The following NVL variants were observed in gnomAD, a reference collection of about 807,000 sequenced individuals.
NVL encodes the protein nuclear VCP like, also known as nuclear valosin-containing protein-like.
NVL carries 84 observed loss-of-function variants against 110.2 expected under a neutral mutation model. The ratio of observed to expected loss-of-function variants is 0.76; its 90% CI spans 0.64 to 0.91. The LOEUF is 0.91. Among genes scored for constraint, NVL ranks in the 40% least tolerant of loss-of-function variants. The probability of loss-of-function intolerance (pLI) is 0.00; values close to 1 mark genes in which losing one functional copy is unlikely to be tolerated. For synonymous variants in NVL, 354 were observed against 361.1 expected (o/e 0.98, Z 0.22); for missense variants, 882 against 1,035.9 (o/e 0.85, Z 2.04).
At chr1:224,318,944 G>A (rs1362780370) in intron 2 of NVL, among the ~76,000 whole-genome samples, 7 of 149,814 alleles carry the variant, frequency 4.7e-5, no homozygotes, top group Admixed American at 1.3e-4. Flanking sequence ...AGCCAAGATC[G>A]TGCCACTGCA....
At chr1:224,257,583 C>T (rs1663433248) in intron 18 of NVL, among the ~76,000 whole-genome samples, 2 of 151,994 alleles carry the variant, frequency 1.3e-5, no homozygotes, top group South Asian at 2.1e-4. Flanking sequence ...GGCTGGAGTG[C>T]AGTGGTGTAT....
At chr1:224,285,223 T>A (rs1430381126) in intron 15 of NVL, among the ~76,000 whole-genome samples, 1 of 152,050 alleles carries the variant, frequency 6.6e-6, no homozygotes, top group African/African-American at 2.4e-5. Context: ...GATCATGAGG[T>A]CAGGAGTTCG....
rs114120853 is a variant in NVL, at chr1:224,239,613, C to T, written c.2290-3031G>A. Among the ~76,000 whole-genome samples the T allele has an allele frequency of 3.1e-3, 475 of 152,246 alleles. 5 individuals are homozygous for T. Among genetic ancestry groups the T allele is most frequent in the African/African-American group, 0.011 (441 of 41,568 alleles). On this transcript the variant is annotated intron_variant, in intron 19 of 22. Transcript: ENST00000281701. Reference sequence around the variant, plus strand: ...CAATCTAATCTCAAACTATCCAGTGCCCTGTTTTAATCAAAAGCTGAATCA... The same window carrying T: ...CAATCTAATCTCAAACTATCCAGTGTCCTGTTTTAATCAAAAGCTGAATCA...
intron 17 of NVL, among the ~76,000 whole-genome samples, chr1:224,270,228 T>C (rs1571897314): frequency 6.6e-6 from 1 of 152,166 alleles, no homozygotes; most frequent in African/African-American, 2.4e-5. Context: ...TCAGAGTCAA[T>C]ACAAGAATGA....
intron 16 of NVL, among the ~76,000 whole-genome samples, chr1:224,278,447 T>C (rs956647235): frequency 6.6e-6 from 1 of 151,954 alleles, no homozygotes; most frequent in Non-Finnish European, 1.5e-5. Context: ...GCCACACTGG[T>C]CTTAAATTCT....
rs148398450 is a variant in NVL, at chr1:224,298,140, G to A, written c.1063-1522C>T. The A allele has an allele frequency of 5.9e-3, 941 of 158,246 alleles. 4 individuals carry two copies. The highest frequency in any genetic ancestry group is 0.021 in the African/African-American group (878 of 41,606). The allele number at this position is 158,246 out of a possible 1,614,324, so 9.8% of individuals were successfully genotyped here. ...AACTGCTTCAACCCGGGAGGCAGAG[G>A]TTGCAGTGAGCTGAGATTGTCCCAC... On this transcript the variant is annotated intron_variant, in intron 10 of 22. Transcript: ENST00000281701.
intron 5 of NVL, among the ~76,000 whole-genome samples, chr1:224,308,756 T>C (rs1669201690): frequency 6.7e-6 from 1 of 149,610 alleles, no homozygotes; most frequent in African/African-American, 2.5e-5. Context: ...AAACAAGCAT[T>C]TACTATTCAA....
At chr1:224,295,039 T>C (rs1667742660) in intron 11 of NVL, among the ~76,000 whole-genome samples, 1 of 152,222 alleles carries the variant, frequency 6.6e-6, no homozygotes, top group South Asian at 2.1e-4. Context: ...TTTCTAGGAA[T>C]GGACAAAACT....
chr1:224,281,411 C>G (rs1403837177), intron 15 of NVL, among the ~76,000 whole-genome samples: 3 of 151,680 alleles, frequency 2.0e-5, no homozygotes, highest in Non-Finnish European at 4.4e-5. Flanking sequence ...CGCCATTCTC[C>G]TGCCTCAGCC....
chr1:224,329,974 G>GT (rs1671522521), intron 1 of NVL, 97 bp downstream of exon 1: 2 of 1,204,918 alleles, frequency 1.7e-6, no homozygotes, highest in East Asian at 4.7e-5. Flanking sequence ...AAGAAGACTA[G>GT]TTGAGTTCCA....
chr1:224,297,405 A>T (rs777675434), intron 10 of NVL, among the ~76,000 whole-genome samples: 8 of 152,204 alleles, frequency 5.3e-5, no homozygotes, highest in Non-Finnish European at 1.0e-4. Context: ...AGATGTAAGG[A>T]TCAGCTACCG....
At chr1:224,289,924 A>G (rs976212896) in intron 12 of NVL, among the ~76,000 whole-genome samples, 191 bp from the exon 13 acceptor site, 1 of 152,262 alleles carries the variant, frequency 6.6e-6, no homozygotes, top group Non-Finnish European at 1.5e-5. Flanking sequence ...AGAAAGGATT[A>G]TGGTAAATAT....
chr1:224,244,242 C>G (rs1206288782), intron 19 of NVL, among the ~76,000 whole-genome samples: 1 of 151,064 alleles, frequency 6.6e-6, no homozygotes, highest in Non-Finnish European at 1.5e-5. Flanking sequence ...TGGCAGACAC[C>G]TGTAATCTCA....
chr1:224,237,189 T>C (rs192931519), intron 19 of NVL, among the ~76,000 whole-genome samples: 3 of 152,326 alleles, frequency 2.0e-5, no homozygotes, highest in Admixed American at 2.0e-4. Context: ...AAGAAACACA[T>C]TTCCTTTCCA....
intron 1 of NVL, 133 bp downstream of exon 1, chr1:224,329,938 A>AGT: frequency 1.2e-6 from 1 of 855,970 alleles, no homozygotes; most frequent in Non-Finnish European, 1.9e-6. Context: ...GGAGAAACAG[A>AGT]CGCACGCCCA....
chr1:224,263,654 G>T (rs986670646), intron 18 of NVL, among the ~76,000 whole-genome samples: 1 of 152,054 alleles, frequency 6.6e-6, no homozygotes, highest in African/African-American at 2.4e-5. Flanking sequence ...TTCAAAATGT[G>T]TCTCAAATTT....
intron 19 of NVL, among the ~76,000 whole-genome samples, chr1:224,243,425 C>T (rs1661432273): frequency 6.6e-6 from 1 of 152,020 alleles, no homozygotes; most frequent in African/African-American, 2.4e-5. Context: ...CGCACCACTG[C>T]CCTCCAGCCT....
At chr1:224,296,389 T>G (rs1667887194) in intron 11 of NVL, 112 bp downstream of exon 11, 2 of 584,088 alleles carry the variant, frequency 3.4e-6, no homozygotes, top group Non-Finnish European at 5.6e-6. Flanking sequence ...ATGACTTTTT[T>G]TTTACACTAT....
At chr1:224,255,664 T>A (rs1447946775) in intron 18 of NVL, among the ~76,000 whole-genome samples, 1 of 152,094 alleles carries the variant, frequency 6.6e-6, no homozygotes, top group Admixed American at 6.6e-5. Context: ...CCCACCTCAG[T>A]CTCCTGAGTA....
Sources: allele counts gnomAD v4.1 joint callset (sites outside exome capture counted in the v4.1 genomes callset), GRCh38; gene constraint gnomAD v4.1.1; transcripts MANE v1.5; gene names NCBI Gene and HGNC (gene_info 2026-07-23, HGNC 2026-07-21).